The following DYNC2I1 variants were observed in gnomAD, a reference collection of about 807,000 sequenced individuals.
DYNC2I1 encodes the protein cytoplasmic dynein 2 intermediate chain 1.
In DYNC2I1, 89 loss-of-function variants were observed where a neutral mutation model predicts 133.4. The ratio of observed to expected loss-of-function variants is 0.67; its 90% CI spans 0.56 to 0.80. DYNC2I1 has a LOEUF of 0.80. Ranked by LOEUF, DYNC2I1 falls within the 30% of genes least tolerant of loss-of-function variation. The pLI is 0.00. For missense variants in DYNC2I1, 1,291 were observed against 1,314.5 expected, an observed-to-expected ratio of 0.98 and a Z score of 0.28; for synonymous variants, 504 against 484.3, an observed-to-expected ratio of 1.04 and a Z score of -0.54.
chr7:158,936,624 G>A (rs1040155462), intron 23 of DYNC2I1, among the ~76,000 whole-genome samples: 5 of 152,344 alleles, frequency 3.3e-5, no homozygotes, highest in African/African-American at 9.6e-5. Flanking sequence ...AAACAAAGCT[G>A]GGAGGCAGGA....
chr7:158,949,216 C>G (rs1302809700), downstream of DYNC2I1, among the ~76,000 whole-genome samples: 2 of 152,258 alleles, frequency 1.3e-5, no homozygotes, highest in Non-Finnish European at 1.5e-5. Flanking sequence ...GTAATTTCGC[C>G]AGAAATAATC....
In DYNC2I1 at chr7:158,894,830, C is replaced by A. The variant is rs566797540; in HGVS notation, c.1059+3497C>A. Among the ~76,000 whole-genome samples the A allele has an allele frequency of 5.3e-5, 8 of 152,080 alleles. No individual in the cohort carries two copies. In the South Asian group the frequency reaches 1.7e-3, roughly 32 times the overall value. ...CCAGCAATGAATGTGAGTTCCTGTG[C>A]CTCCACATCCTCACCTGCATTCGGT... On this transcript the variant is annotated intron_variant, in intron 8 of 24. Transcript: ENST00000407559.
At chr7:158,861,538 G>A (rs1282458775) in intron 1 of DYNC2I1, among the ~76,000 whole-genome samples, 1 of 152,170 alleles carries the variant, frequency 6.6e-6, no homozygotes, top group East Asian at 1.9e-4. Flanking sequence ...TGTCAGCCAA[G>A]TCTAGAAAGG....
intron 8 of DYNC2I1, among the ~76,000 whole-genome samples, chr7:158,896,706 C>T (rs1013671045): frequency 6.6e-6 from 1 of 152,126 alleles, no homozygotes; most frequent in African/African-American, 2.4e-5. Flanking sequence ...CTCCTGGGCT[C>T]AAGTGATCTT....
the DYNC2I1 span, among the ~76,000 whole-genome samples, chr7:158,847,761 A>G: frequency 2.0e-5 from 3 of 152,242 alleles, no homozygotes; most frequent in African/African-American, 7.2e-5. Context: ...CACTAGCCTC[A>G]GAGCTACCCA....
chr7:158,856,771 G>A (rs1016148254), intron 1 of DYNC2I1, 21 bp downstream of exon 1: 2 of 1,234,286 alleles, frequency 1.6e-6, no homozygotes, highest in Non-Finnish European at 2.0e-6. Context: ...CGCTGGGTCT[G>A]GGCGAGGGGT....
At chr7:158,932,628 G>T (rs1409156426) in intron 21 of DYNC2I1, among the ~76,000 whole-genome samples, 1 of 152,176 alleles carries the variant, frequency 6.6e-6, no homozygotes. Flanking sequence ...GTTGAGCCGA[G>T]GAGCAGCACA....
the DYNC2I1 span, among the ~76,000 whole-genome samples, chr7:158,845,006 T>C: frequency 4.6e-5 from 7 of 152,082 alleles, no homozygotes; most frequent in Non-Finnish European, 1.0e-4. Context: ...CCCCCAACCA[T>C]CTAGATGGAC....
chr7:158,872,923 G>A (rs558527984), intron 3 of DYNC2I1, among the ~76,000 whole-genome samples: 3 of 151,602 alleles, frequency 2.0e-5, no homozygotes, highest in Admixed American at 6.6e-5. Context: ...CCCGGGAGGA[G>A]GAGGTTGCAA....
intron 21 of DYNC2I1, 90 bp from the exon 22 acceptor site, chr7:158,934,039 T>C (rs1001960581): frequency 5.8e-6 from 5 of 862,822 alleles, no homozygotes; most frequent in East Asian, 5.1e-5. Context: ...TATACATCGA[T>C]GTATTGTAGT....
In DYNC2I1 at chr7:158,871,135, GT is replaced by G. The variant is rs1842835177; in HGVS notation, c.70-4del. On this transcript the variant is annotated splice_region_variant and splice_polypyrimidine_tract_variant and intron_variant, in intron 2 of 24. Transcript: ENST00000407559. ...GTCACGGAGGACCCTTTGTTCTCTT[GT>G]TTCAGGCCATACAGTCAGGTGGTTC... The G allele has an allele frequency of 7.5e-6, 12 of 1,608,374 alleles. No homozygotes were observed. Among genetic ancestry groups the G allele is most frequent in the Non-Finnish European group, 1.0e-5 (12 of 1,177,500 alleles).
chr7:158,886,281 G>A (rs1326188820), intron 6 of DYNC2I1, among the ~76,000 whole-genome samples: 1 of 151,840 alleles, frequency 6.6e-6, no homozygotes, highest in Non-Finnish European at 1.5e-5. Flanking sequence ...ACAGGCACAC[G>A]CCACCACGCC....
At chr7:158,934,320 TTTTC>T (rs1850532976) in intron 22 of DYNC2I1, 92 bp downstream of exon 22, 3 of 1,431,854 alleles carry the variant, frequency 2.1e-6, no homozygotes, top group Admixed American at 3.1e-5. Flanking sequence ...TAACTTACTC[TTTTC>T]TTTATAAAGT....
chr7:158,912,199 C>G (rs944018725), intron 12 of DYNC2I1, among the ~76,000 whole-genome samples: 6 of 152,150 alleles, frequency 3.9e-5, no homozygotes, highest in Non-Finnish European at 7.4e-5. Flanking sequence ...AGAGTTCCTA[C>G]AATTTACTAT....
chr7:158,926,058 T>G lies in DYNC2I1; in HGVS notation c.2258-129T>G, dbSNP rs188410532. On this transcript the variant is annotated intron_variant, in intron 17 of 24. Transcript: ENST00000407559. Reference sequence around the variant, plus strand: ...GGTCCATGTTGGTTTTGGGGTGTTTTGGGAAGATGTGTGGAGAGAGTTGGA... The same window carrying G: ...GGTCCATGTTGGTTTTGGGGTGTTTGGGGAAGATGTGTGGAGAGAGTTGGA... The G allele has an allele frequency of 2.1e-5, 15 of 709,408 alleles. No individual in the cohort carries two copies. The African/African-American group carries it at 2.3e-4, about 11-fold the overall frequency. The allele number at this position is 709,408 out of a possible 1,614,324, so 43.9% of individuals were successfully genotyped here.
In DYNC2I1 at chr7:158,863,178, C is replaced by T. The variant is rs1038983638; in HGVS notation, c.15+6428C>T. ...ATTTGGCCCTGCCCACATCGTGGTG[C>T]GTTTACAAACCTTTAGCTAGACACA... On this transcript the variant is annotated intron_variant, in intron 1 of 24. Transcript: ENST00000407559. 2.6e-5 allele frequency among the ~76,000 whole-genome samples: 4 copies of T among 151,904 alleles called. No individual in the cohort carries two copies. The East Asian group carries it at 5.8e-4, about 22-fold the overall frequency.
At chr7:158,902,959 C>T (rs1020565136) in intron 10 of DYNC2I1, 3 of 206,302 alleles carry the variant, frequency 1.5e-5, no homozygotes, top group African/African-American at 6.9e-5. Context: ...TGTGGCCCTC[C>T]TCAGTGGGAA....
In DYNC2I1 at chr7:158,945,480, G is replaced by GTT; in HGVS notation, c.3003-99_3003-98dup. On this transcript the variant is annotated intron_variant, in intron 24 of 24. Coordinates refer to ENST00000407559, the MANE Select transcript of DYNC2I1 (RefSeq NM_018051.5). The surrounding 1 kb of genome is among the most constrained non-coding windows in gnomAD (Gnocchi z 4.1). The stretch of plus-strand genomic sequence containing the variant: ...TTGGTATTTTTAGAATTTCTCATCC[G>GTT]TTTCACTCTTCCCATGGAAGGTAGA... The GTT allele has an allele frequency of 7.8e-7, 1 of 1,274,398 alleles. No homozygotes were observed. The highest frequency in any genetic ancestry group is 1.1e-6 in the Non-Finnish European group (1 of 936,134). 78.9% of individuals were successfully genotyped at this position (1,274,398 alleles called of 1,614,324 possible).
the DYNC2I1 span, among the ~76,000 whole-genome samples, chr7:158,850,299 C>A: frequency 6.6e-6 from 1 of 152,222 alleles, no homozygotes; most frequent in Admixed American, 6.5e-5. Flanking sequence ...CCCAGGTCTA[C>A]AGTTGCACGT....
Sources: gnomAD v4.1 joint callset for allele counts (sites outside exome capture counted in the v4.1 genomes callset) on GRCh38, gnomAD v4.1.1 for gene constraint, Gnocchi (gnomAD v3.1) non-coding constraint, MANE v1.5 for transcripts, NCBI Gene and HGNC (gene_info 2026-07-23, HGNC 2026-07-21) for gene names.